The following FILIP1L variants were observed in gnomAD, a reference collection of about 807,000 sequenced individuals.
The protein encoded by FILIP1L is filamin A-interacting protein 1-like.
FILIP1L carries 55 observed loss-of-function variants against 96.6 expected under a neutral mutation model. The observed-to-expected ratio is 0.57, with a 90% confidence interval of 0.46 to 0.71. The LOEUF (loss-of-function observed/expected upper bound fraction) is 0.71, where lower values mean the gene tolerates loss of function less well. Ranked by LOEUF, FILIP1L falls within the 30% of genes least tolerant of loss-of-function variation. The pLI is 0.00. For synonymous variants in FILIP1L, 467 were observed against 473.9 expected (o/e 0.99, Z 0.19); for missense variants, 1,304 against 1,321.2 (o/e 0.99, Z 0.20).
At position 100,096,148 on chromosome 3, in the gene FILIP1L, A is replaced by G. The variant is rs926699133; in HGVS notation, c.-11+17905T>C. On this transcript the variant is annotated intron_variant, in intron 1 of 5. Coordinates refer to ENST00000477258, the MANE Select transcript of FILIP1L (RefSeq NM_001387850.1). ...AGGATGTGGAGAAAAGGGAACTCTCATACACTGTTGGTGGGAATGAAAATT... is the reference window on the plus strand; with the variant it reads ...AGGATGTGGAGAAAAGGGAACTCTCGTACACTGTTGGTGGGAATGAAAATT... Among the ~76,000 whole-genome samples, 5 of 152,190 alleles carry G rather than the reference A, an allele frequency of 3.3e-5. No individual in the cohort carries two copies. The East Asian group carries it at 5.8e-4, about 18-fold the overall frequency.
chr3:99,868,508 T>G (rs567015240), intron 4 of FILIP1L, among the ~76,000 whole-genome samples: 53 of 152,274 alleles, frequency 3.5e-4, no homozygotes, highest in Middle Eastern at 3.4e-3. Context: ...TAACAGTAGC[T>G]GCTATAGGTT....
At chr3:99,978,934 GC>G (rs1709044868) in intron 1 of FILIP1L, among the ~76,000 whole-genome samples, 1 of 152,100 alleles carries the variant, frequency 6.6e-6, no homozygotes, top group African/African-American at 2.4e-5. Flanking sequence ...ATTACTGGAG[GC>G]TGGGAGGAAA....
chr3:99,898,200 A>G (rs1341330910), intron 4 of FILIP1L: 1 of 152,198 alleles, frequency 6.6e-6, no homozygotes, highest in Non-Finnish European at 1.5e-5. Context: ...ACATTTTTGA[A>G]GGTTATTTGG....
chr3:100,055,201 C>T (rs1208838511), intron 1 of FILIP1L, among the ~76,000 whole-genome samples: 1 of 152,166 alleles, frequency 6.6e-6, no homozygotes, highest in Non-Finnish European at 1.5e-5. Flanking sequence ...TCAATTTCTT[C>T]GTGTATGCAT....
Position 99,847,638 on chromosome 3 carries a change from T to C in FILIP1L, c.3381+657A>G, listed in dbSNP as rs957697825. 3.9e-5 allele frequency among the ~76,000 whole-genome samples: 6 copies of C among 152,240 alleles called. No individual in the cohort carries two copies. In the East Asian group the frequency reaches 1.2e-3, roughly 29 times the overall value. On this transcript the variant is annotated intron_variant, in intron 5 of 5. Coordinates refer to ENST00000477258, the MANE Select transcript of FILIP1L (RefSeq NM_001387850.1). ...AAACATTTAAGTTCCTAATGTAGTC[T>C]AAGCACTGTGCTGGGCTCTTAGAGA...
Position 100,088,379 on chromosome 3 carries a change from A to G in FILIP1L, c.-11+25674T>C, listed in dbSNP as rs6778756. Among the ~76,000 whole-genome samples, 693 of 152,274 alleles carry G rather than the reference A, an allele frequency of 4.6e-3. 7 individuals carry two copies. Among genetic ancestry groups the G allele is most frequent in the African/African-American group, 0.016 (679 of 41,562 alleles). ...CCTAGATCCCCCAAAACTACAAATAATGCAAATGAGTAAGTTATTATTGTC... is the reference window on the plus strand; with the variant it reads ...CCTAGATCCCCCAAAACTACAAATAGTGCAAATGAGTAAGTTATTATTGTC... On this transcript the variant is annotated intron_variant, in intron 1 of 5. Coordinates refer to ENST00000477258, the MANE Select transcript of FILIP1L (RefSeq NM_001387850.1).
At chr3:99,886,133 G>C (rs1705888016) in intron 4 of FILIP1L, among the ~76,000 whole-genome samples, 1 of 152,238 alleles carries the variant, frequency 6.6e-6, no homozygotes, top group Admixed American at 6.5e-5. Flanking sequence ...ACGTGAGTGA[G>C]AGATGATTTA....
intron 1 of FILIP1L, among the ~76,000 whole-genome samples, chr3:100,111,504 A>G (rs1467328542): frequency 6.6e-6 from 1 of 152,182 alleles, no homozygotes. Context: ...AGTTTTATAC[A>G]CAATATAAAA....
chr3:100,056,195 T>C (rs1483928256), intron 1 of FILIP1L, among the ~76,000 whole-genome samples: 3 of 152,132 alleles, frequency 2.0e-5, no homozygotes, highest in African/African-American at 7.2e-5. Flanking sequence ...TACCAAATAT[T>C]ATTACCAGCT....
chr3:100,000,276 G>A (rs1709805261), intron 1 of FILIP1L, among the ~76,000 whole-genome samples: 1 of 152,168 alleles, frequency 6.6e-6, no homozygotes, highest in Admixed American at 6.5e-5. Context: ...GTCATCCAAA[G>A]GGGCCTCCTC....
At chr3:100,078,574 G>A (rs954049426) in intron 1 of FILIP1L, among the ~76,000 whole-genome samples, 1 of 151,824 alleles carries the variant, frequency 6.6e-6, no homozygotes, top group Non-Finnish European at 1.5e-5. Flanking sequence ...ACCAACACTA[G>A]CGATAGCTGA....
chr3:100,044,686 A>AT (rs965054264), intron 1 of FILIP1L, among the ~76,000 whole-genome samples: 1 of 152,200 alleles, frequency 6.6e-6, no homozygotes, highest in African/African-American at 2.4e-5. Flanking sequence ...CCATTGAAAG[A>AT]TTTTTTTAAT....
intron 1 of FILIP1L, among the ~76,000 whole-genome samples, chr3:100,039,621 T>C (rs6440991): frequency 0.85 from 129,900 of 152,156 alleles, 55,609 homozygotes; most frequent in African/African-American, 0.91. Flanking sequence ...AGAAAAGCAT[T>C]GTCCCTAGAG....
In FILIP1L at chr3:100,063,939, G is replaced by T. The variant is rs148968166; in HGVS notation, c.-11+50114C>A. ...CACATGTTTACCCCAAGACTGTCAG[G>T]AGTACATACCGTCAGCCAAACCCAT... On this transcript the variant is annotated intron_variant, in intron 1 of 5. Transcript: ENST00000477258. 1.1e-3 allele frequency among the ~76,000 whole-genome samples: 170 copies of T among 152,286 alleles called. 1 individual carries two copies. The highest frequency in any genetic ancestry group is 4.0e-3 in the African/African-American group (167 of 41,556).
intron 1 of FILIP1L, among the ~76,000 whole-genome samples, chr3:100,010,685 G>T (rs938161314): frequency 6.8e-6 from 1 of 147,696 alleles, no homozygotes; most frequent in Non-Finnish European, 1.5e-5. Context: ...CTCGATCTCT[G>T]CCCACTGCAA....
chr3:99,941,741 G>A (rs1047534694), intron 1 of FILIP1L, among the ~76,000 whole-genome samples: 3 of 152,202 alleles, frequency 2.0e-5, no homozygotes, highest in African/African-American at 7.2e-5. Context: ...ATTTAATAAT[G>A]TAGGAAAATA....
chr3:99,971,766 C>T (rs1708829125), intron 1 of FILIP1L, among the ~76,000 whole-genome samples: 1 of 152,226 alleles, frequency 6.6e-6, no homozygotes, highest in South Asian at 2.1e-4. Flanking sequence ...AAGGAGTCCT[C>T]TCCCTGCAAC....
chr3:100,044,389 G>T (rs2065249434), intron 1 of FILIP1L, among the ~76,000 whole-genome samples: 1 of 152,154 alleles, frequency 6.6e-6, no homozygotes, highest in Non-Finnish European at 1.5e-5. Context: ...CTGTCAAGGG[G>T]GGCAGTGAAA....
Position 99,849,846 on chromosome 3 carries a change from G to T in FILIP1L, c.1830C>A (p.Asp610Glu), listed in dbSNP as rs1231601297. The change falls in exon 5 of 6, where the codon GAC (aspartate) becomes GAA (glutamate). Residue 610 changes from aspartate to glutamate, a missense_variant. Physicochemically the swap from Asp to Glu is conservative, Grantham distance 45. Transcript: ENST00000477258. Reference protein sequence around the residue: ...KDFLKNKLNQDSGKSTTALHQ... With the variant: ...KDFLKNKLNQESGKSTTALHQ... ...GTAATGCTGTTGTGGATTTCCCAGA[G>T]TCTTGATTTAATTTGTTTTTTAGGA... is the stretch of plus-strand genomic sequence containing the variant. 2 of 1,610,722 alleles carry T rather than the reference G, an allele frequency of 1.2e-6. No individual in the cohort carries two copies. Among genetic ancestry groups the T allele is most frequent in the South Asian group, 2.2e-5 (2 of 90,190 alleles).
Sources: allele counts gnomAD v4.1 joint callset (sites outside exome capture counted in the v4.1 genomes callset), GRCh38; gene constraint gnomAD v4.1.1; transcripts MANE v1.5; gene names NCBI Gene and HGNC (gene_info 2026-07-23, HGNC 2026-07-21).